Variants in PRKN observed in about 807,000 individuals in gnomAD.
PRKN encodes the protein parkin RBR E3 ubiquitin protein ligase.
Under a neutral mutation model 59.5 loss-of-function variants are expected in PRKN, and 56 were observed. The ratio of observed to expected loss-of-function variants is 0.94; its 90% CI spans 0.76 to 1.18. PRKN has a LOEUF of 1.18. PRKN is among the 50% of genes most tolerant of loss of function. The pLI is 0.00. For synonymous variants in PRKN, 250 were observed against 222.1 expected (o/e 1.13, Z -1.12); for missense variants, 657 against 596.4 (o/e 1.10, Z -1.06).
chr6:161,598,156 G>A (rs1220400821), intron 7 of PRKN, among the ~76,000 whole-genome samples: 1 of 152,202 alleles, frequency 6.6e-6, no homozygotes, highest in Admixed American at 6.5e-5. Flanking sequence ...CTAATTGAAT[G>A]AATAGATAAA....
At chr6:162,404,785 C>T (rs563074083) in intron 2 of PRKN, among the ~76,000 whole-genome samples, 117 of 152,268 alleles carry the variant, frequency 7.7e-4, no homozygotes, top group African/African-American at 2.6e-3. Context: ...CTCCTGACCT[C>T]AGGTGATCTG....
chr6:162,471,069 ATTTT>A (rs1330955431), intron 1 of PRKN, among the ~76,000 whole-genome samples: 4 of 128,958 alleles, frequency 3.1e-5, no homozygotes, highest in East Asian at 2.4e-4. Flanking sequence ...CCCACACTCT[ATTTT>A]TTATTTATTT....
chr6:162,405,881 C>T (rs886147088), intron 2 of PRKN, among the ~76,000 whole-genome samples: 30 of 152,116 alleles, frequency 2.0e-4, no homozygotes, highest in African/African-American at 5.6e-4. Flanking sequence ...AACATATAAA[C>T]CACGCAGTCT....
At chr6:161,923,839 G>A (rs186001663) in intron 6 of PRKN, among the ~76,000 whole-genome samples, 16 of 152,224 alleles carry the variant, frequency 1.1e-4, no homozygotes, top group African/African-American at 3.4e-4. Context: ...CCTTCAGAAC[G>A]TGGCCCACCT....
chr6:162,567,735 T>C (rs1388539084), intron 1 of PRKN, among the ~76,000 whole-genome samples: 7 of 152,146 alleles, frequency 4.6e-5, no homozygotes, highest in Admixed American at 3.9e-4. Flanking sequence ...AAAATGCCAA[T>C]GACATTCTTC....
chr6:161,751,196 A>G (rs1788678847), intron 7 of PRKN, among the ~76,000 whole-genome samples: 5 of 152,138 alleles, frequency 3.3e-5, no homozygotes, highest in Admixed American at 3.3e-4. Context: ...TTTTTGCCCA[A>G]ATTTCATAAT....
chr6:161,641,404 T>C (rs1193697332), intron 7 of PRKN, among the ~76,000 whole-genome samples: 4 of 152,188 alleles, frequency 2.6e-5, no homozygotes, highest in African/African-American at 9.7e-5. Flanking sequence ...GTGGCTCATC[T>C]GGTCAGAAAA....
At chr6:162,442,538 C>T (rs1790108561) in intron 2 of PRKN, among the ~76,000 whole-genome samples, 1 of 152,176 alleles carries the variant, frequency 6.6e-6, no homozygotes, top group Non-Finnish European at 1.5e-5. Context: ...GTCACCTCAC[C>T]AGTCCCCCTA....
intron 4 of PRKN, among the ~76,000 whole-genome samples, chr6:162,156,636 T>C (rs754017465): frequency 3.3e-5 from 5 of 152,314 alleles, no homozygotes; most frequent in African/African-American, 4.8e-5. Flanking sequence ...TGGCAGCTGA[T>C]TAGATTGTGC....
chr6:162,509,468 T>C (rs1777487450), intron 1 of PRKN, among the ~76,000 whole-genome samples: 1 of 152,200 alleles, frequency 6.6e-6, no homozygotes, highest in Non-Finnish European at 1.5e-5. Context: ...AAAATGTCAA[T>C]ATGCTAAATT....
intron 7 of PRKN, among the ~76,000 whole-genome samples, chr6:161,715,661 A>C (rs1786942713): frequency 6.6e-6 from 1 of 152,176 alleles, no homozygotes; most frequent in Admixed American, 6.5e-5. Context: ...ACTGTTGCCC[A>C]GGCCCCAGTT....
chr6:162,445,292 CATTA>C (rs1362609577), intron 1 of PRKN, among the ~76,000 whole-genome samples: 1 of 152,110 alleles, frequency 6.6e-6, no homozygotes, highest in Non-Finnish European at 1.5e-5. Context: ...TTTCTAAGGA[CATTA>C]ATTACTTTCT....
chr6:162,048,215 T>C (rs1487044473), intron 5 of PRKN, among the ~76,000 whole-genome samples: 1 of 152,214 alleles, frequency 6.6e-6, no homozygotes, highest in Non-Finnish European at 1.5e-5. Context: ...TATTATAGCT[T>C]GTGTAATAGG....
intron 9 of PRKN, among the ~76,000 whole-genome samples, chr6:161,392,179 G>A (rs1338695940): frequency 4.6e-5 from 7 of 151,632 alleles, no homozygotes; most frequent in Non-Finnish European, 8.8e-5. Context: ...CTCGTGATCC[G>A]CCTGCCTCGG....
At chr6:162,423,397 T>G (rs1789075720) in intron 2 of PRKN, among the ~76,000 whole-genome samples, 1 of 152,134 alleles carries the variant, frequency 6.6e-6, no homozygotes, top group Admixed American at 6.5e-5. Context: ...CCTTCCACCT[T>G]CCCTCCTTCC....
intron 2 of PRKN, among the ~76,000 whole-genome samples, chr6:162,422,280 TA>T (rs35602343): frequency 1.1e-3 from 173 of 152,246 alleles, no homozygotes; most frequent in African/African-American, 3.9e-3. Context: ...ATTCTTCATA[TA>T]AAAACTTCTG....
intron 7 of PRKN, among the ~76,000 whole-genome samples, chr6:161,616,908 C>T (rs985384976): frequency 6.6e-6 from 1 of 152,162 alleles, no homozygotes; most frequent in Non-Finnish European, 1.5e-5. Flanking sequence ...GATTTATAAT[C>T]ATTTGGGTAT....
chr6:162,184,676 G>A (rs933525995), intron 4 of PRKN, among the ~76,000 whole-genome samples: 5 of 152,028 alleles, frequency 3.3e-5, no homozygotes, highest in South Asian at 2.1e-4. Context: ...CCCGGTCTCC[G>A]GTATTTCTTC....
chr6:162,508,586 A>G (rs1793705098), intron 1 of PRKN, among the ~76,000 whole-genome samples: 1 of 152,162 alleles, frequency 6.6e-6, no homozygotes, highest in Non-Finnish European at 1.5e-5. Context: ...TCCCACATAA[A>G]GCAAACAATG....
Sources: gnomAD v4.1 joint callset for allele counts (sites outside exome capture counted in the v4.1 genomes callset) on GRCh38, gnomAD v4.1.1 for gene constraint, MANE v1.5 for transcripts, NCBI Gene and HGNC (gene_info 2026-07-23, HGNC 2026-07-21) for gene names.